Variants in SEMA6D observed in about 807,000 individuals in gnomAD.
The protein encoded by SEMA6D is semaphorin 6D.
In SEMA6D, 35 loss-of-function variants were observed where a neutral mutation model predicts 106.6. That is an observed-to-expected ratio of 0.33 (90% CI 0.25 to 0.44). The LOEUF is 0.44. SEMA6D is among the 20% of genes least tolerant of loss of function. SEMA6D has a pLI of 1.00. For missense variants in SEMA6D, 1,185 were observed against 1,345.9 expected, an observed-to-expected ratio of 0.88 and a Z score of 1.87; for synonymous variants, 499 against 487.7, an observed-to-expected ratio of 1.02 and a Z score of -0.31.
intron 4 of SEMA6D, among the ~76,000 whole-genome samples, chr15:47,610,255 C>T (rs117271125): frequency 6.6e-6 from 1 of 152,198 alleles, no homozygotes; most frequent in African/African-American, 2.4e-5. Flanking sequence ...CGTATATAAG[C>T]AAGATTATCC....
intron 1 of SEMA6D, among the ~76,000 whole-genome samples, chr15:47,195,405 T>C (rs1190196578): frequency 6.6e-6 from 1 of 152,198 alleles, no homozygotes; most frequent in African/African-American, 2.4e-5. Flanking sequence ...ACAAAAATGA[T>C]TATCTGGTGT....
Position 47,641,424 on chromosome 15 carries a change from ACT to A in SEMA6D, c.-55+40541_-55+40542del, listed in dbSNP as rs144070514. On this transcript the variant is annotated intron_variant, in intron 4 of 19. Transcript: ENST00000558014. ...GTCTCCCTCTCTCTCTCACACTCTC[ACT>A]CTCTCTCTCTCTTCCTACAGTTTCT... Among the ~76,000 whole-genome samples, 71 of 149,964 alleles carry A rather than the reference ACT, an allele frequency of 4.7e-4. 1 individual carries two copies. In the East Asian group the frequency reaches 0.013, roughly 27 times the overall value.
intron 4 of SEMA6D, among the ~76,000 whole-genome samples, chr15:47,636,795 A>G (rs2077396530): frequency 6.6e-6 from 1 of 152,186 alleles, no homozygotes; most frequent in Non-Finnish European, 1.5e-5. Context: ...GCAATACAGA[A>G]GGGCCCTAGA....
chr15:47,558,146 T>C (rs1010385961), intron 3 of SEMA6D, among the ~76,000 whole-genome samples: 1 of 152,148 alleles, frequency 6.6e-6, no homozygotes, highest in Non-Finnish European at 1.5e-5. Flanking sequence ...AGATCATCTG[T>C]AATTTCTTTT....
At chr15:47,607,524 T>C (rs991796422) in intron 4 of SEMA6D, among the ~76,000 whole-genome samples, 1 of 152,188 alleles carries the variant, frequency 6.6e-6, no homozygotes, top group South Asian at 2.1e-4. Context: ...TAAGTAAATA[T>C]CTACTTACCT....
intron 1 of SEMA6D, among the ~76,000 whole-genome samples, chr15:47,386,139 T>A (rs771827626): frequency 4.6e-5 from 7 of 152,170 alleles, no homozygotes; most frequent in African/African-American, 7.2e-5. Flanking sequence ...GCCATTAGGT[T>A]CAAGGGGCTC....
At chr15:47,370,675 T>G (rs2039237310) in intron 1 of SEMA6D, among the ~76,000 whole-genome samples, 1 of 116,702 alleles carries the variant, frequency 8.6e-6, no homozygotes. Flanking sequence ...TAAAGCGCCG[T>G]CTCTACTTAA....
chr15:47,497,714 T>C (rs1204900873), intron 3 of SEMA6D, among the ~76,000 whole-genome samples: 1 of 152,134 alleles, frequency 6.6e-6, no homozygotes, highest in Non-Finnish European at 1.5e-5. Context: ...GACCAACATG[T>C]GTAAAATCCC....
chr15:47,456,116 A>T (rs1222917673), intron 2 of SEMA6D, among the ~76,000 whole-genome samples: 1 of 151,914 alleles, frequency 6.6e-6, no homozygotes, highest in Non-Finnish European at 1.5e-5. Context: ...CTTACTGACA[A>T]TTAGGATATA....
chr15:47,525,253 A>G (rs1445290935), intron 3 of SEMA6D: 1 of 152,210 alleles, frequency 6.6e-6, no homozygotes, highest in Admixed American at 6.5e-5. Flanking sequence ...GAGATTTATA[A>G]TTGTCTGAAG....
chr15:47,368,755 G>A (rs1463952933), intron 1 of SEMA6D, among the ~76,000 whole-genome samples: 1 of 152,172 alleles, frequency 6.6e-6, no homozygotes, highest in African/African-American at 2.4e-5. Context: ...AAAGCTCAAA[G>A]TCTGTACCAG....
At chr15:47,199,029 A>G (rs1473165169) in intron 1 of SEMA6D, among the ~76,000 whole-genome samples, 3 of 152,128 alleles carry the variant, frequency 2.0e-5, no homozygotes, top group Non-Finnish European at 4.4e-5. Context: ...CTTTTCCCCT[A>G]TTGGTTTTGC....
intron 1 of SEMA6D, among the ~76,000 whole-genome samples, chr15:47,225,644 C>T (rs2031598542): frequency 6.8e-6 from 1 of 148,096 alleles, no homozygotes. Flanking sequence ...TCTCCTGTAT[C>T]AGCCTTCCCA....
chr15:47,611,050 G>C (rs1389362610), intron 4 of SEMA6D, among the ~76,000 whole-genome samples: 1 of 152,108 alleles, frequency 6.6e-6, no homozygotes, highest in African/African-American at 2.4e-5. Context: ...ACCTAGTGGT[G>C]AGAACATATG....
At chr15:47,206,513 A>C (rs186901804) in intron 1 of SEMA6D, among the ~76,000 whole-genome samples, 1 of 152,166 alleles carries the variant, frequency 6.6e-6, no homozygotes, top group Non-Finnish European at 1.5e-5. Context: ...GAAATGAACT[A>C]TCAGCTTCCT....
chr15:47,365,116 G>A (rs1173305518), intron 1 of SEMA6D, among the ~76,000 whole-genome samples: 2 of 152,140 alleles, frequency 1.3e-5, no homozygotes, highest in Non-Finnish European at 2.9e-5. Context: ...GCTCCGAGAG[G>A]ATATCCCACA....
intron 3 of SEMA6D, among the ~76,000 whole-genome samples, chr15:47,496,905 A>G (rs1490721111): frequency 6.6e-6 from 1 of 151,910 alleles, no homozygotes; most frequent in African/African-American, 2.4e-5. Context: ...AATGAACACT[A>G]CTTTTTGCTG....
intron 3 of SEMA6D, among the ~76,000 whole-genome samples, chr15:47,507,346 C>A (rs576488460): frequency 3.2e-5 from 4 of 125,680 alleles, no homozygotes; most frequent in South Asian, 3.4e-4. Context: ...GACACCCCCC[C>A]CCACCCCCCC....
At position 47,444,824 on chromosome 15, in the gene SEMA6D, T is replaced by C. The variant is rs1397146590; in HGVS notation, c.-158-25650T>C. Among the ~76,000 whole-genome samples the C allele has an allele frequency of 2.0e-5, 3 of 152,056 alleles. No individual in the cohort carries two copies. The East Asian group carries it at 5.8e-4, about 30-fold the overall frequency. On this transcript the variant is annotated intron_variant, in intron 2 of 19. Coordinates refer to the SEMA6D transcript ENST00000558014. ...TGTGGGCATGTGTTACAGTGCACTC[T>C]TTTAGCTTTGCCATCCGCAGATAGC...
Sources: allele counts gnomAD v4.1 joint callset (sites outside exome capture counted in the v4.1 genomes callset), GRCh38; gene constraint gnomAD v4.1.1; transcripts MANE v1.5; gene names NCBI Gene and HGNC (gene_info 2026-07-23, HGNC 2026-07-21).